Variants in SLC30A10 observed in about 807,000 individuals in gnomAD.
SLC30A10 encodes the protein solute carrier family 30 member 10, also known as calcium/manganese antiporter SLC30A10.
SLC30A10 carries 8 observed loss-of-function variants against 21.7 expected under a neutral mutation model. The ratio of observed to expected loss-of-function variants is 0.37; its 90% CI spans 0.22 to 0.67. SLC30A10 has a LOEUF of 0.67. Among genes scored for constraint, SLC30A10 ranks in the 30% least tolerant of loss-of-function variants. The pLI is 0.58. For synonymous variants in SLC30A10, 272 were observed against 279.4 expected, an observed-to-expected ratio of 0.97 and a Z score of 0.26; for missense variants, 521 against 642.5, an observed-to-expected ratio of 0.81 and a Z score of 2.04.
chr1:219,918,481 A>G lies in SLC30A10; in HGVS notation c.732T>C (p.His244=), dbSNP rs1659599774. ...EALNIRGVLL[H]VMGDALGSVV... ...CGGACCCCAGGGCATCTCCCATCAC[A>G]TGCAAAAGTACACCTGCCAGGAAGA... Residue 244 remains histidine, a synonymous_variant, in exon 3 of 4, where the codon CAT becomes CAC. Coordinates refer to ENST00000366926, the MANE Select transcript of SLC30A10 (RefSeq NM_018713.3). This position sits in a 1 kb window ranked among gnomAD's most constrained non-coding sequence, Gnocchi z 4.4. The G allele has an allele frequency of 1.2e-6, 2 of 1,601,218 alleles. No homozygotes were observed. Among genetic ancestry groups the G allele is most frequent in the Non-Finnish European group, 1.7e-6 (2 of 1,171,472 alleles).
chr1:219,928,818 G>T (rs1285995360), upstream of SLC30A10, among the ~76,000 whole-genome samples: 1 of 152,156 alleles, frequency 6.6e-6, no homozygotes, highest in Non-Finnish European at 1.5e-5. The surrounding 1 kb of genome is among the most constrained non-coding windows in gnomAD (Gnocchi z 6.3). Context: ...AATCTTCACA[G>T]ACTCCCTCCC....
chr1:219,928,631 T>G, upstream of SLC30A10: 1 of 527,714 alleles, frequency 1.9e-6, no homozygotes, highest in Non-Finnish European at 3.2e-6. The surrounding 1 kb of genome is among the most constrained non-coding windows in gnomAD (Gnocchi z 6.3). Context: ...GTCCAGAGTC[T>G]AAAGGAGTGG....
At chr1:219,948,957 C>A (rs1262617272) in intron 1 of SLC30A10, among the ~76,000 whole-genome samples, 1 of 152,060 alleles carries the variant, frequency 6.6e-6, no homozygotes, top group Non-Finnish European at 1.5e-5. Context: ...AGGACATGAA[C>A]AGACACTTCT....
At chr1:219,932,394 T>C (rs544663729), upstream of SLC30A10, among the ~76,000 whole-genome samples, 5 of 152,350 alleles carry the variant, frequency 3.3e-5, no homozygotes, top group African/African-American at 9.6e-5. Flanking sequence ...CTAAAAATTA[T>C]TTTTATACTG....
In SLC30A10 at chr1:219,914,452, T is replaced by C. The variant is rs1659485856; in HGVS notation, c.*997A>G. ...ACTAGTTGACAACTATAATAAATACTTTAAAATATGTCTAATTAAAGAGAA... is the reference window on the plus strand; with the variant it reads ...ACTAGTTGACAACTATAATAAATACCTTAAAATATGTCTAATTAAAGAGAA... On this transcript the variant is annotated 3_prime_UTR_variant, in exon 4 of 4. Coordinates refer to ENST00000366926, the MANE Select transcript of SLC30A10 (RefSeq NM_018713.3). 1 of 152,232 alleles carries C rather than the reference T, an allele frequency of 6.6e-6. No individual in the cohort carries two copies. Among genetic ancestry groups the C allele is most frequent in the Non-Finnish European group, 1.5e-5 (1 of 68,034 alleles). 9.4% of individuals were successfully genotyped at this position (152,232 alleles called of 1,614,324 possible).
At position 219,913,610 on chromosome 1, in the gene SLC30A10, G is replaced by A. The variant is rs1232961946; in HGVS notation, c.*1839C>T. ...TAAGAGGATGCACTGTTTTGTGTGAGTACATGCCACACTTTTAATACTAAA... is the reference window on the plus strand; with the variant it reads ...TAAGAGGATGCACTGTTTTGTGTGAATACATGCCACACTTTTAATACTAAA... On this transcript the variant is annotated 3_prime_UTR_variant, in exon 4 of 4. Coordinates refer to ENST00000366926, the MANE Select transcript of SLC30A10 (RefSeq NM_018713.3). The A allele has an allele frequency of 6.6e-6, 1 of 152,106 alleles. No homozygotes were observed. The highest frequency in any genetic ancestry group is 1.5e-5 in the Non-Finnish European group (1 of 68,024). 9.4% of individuals were successfully genotyped at this position (152,106 alleles called of 1,614,324 possible). A position where few individuals can be genotyped will look rare whatever the true frequency, so the allele number is the denominator to read the frequency against.
Position 219,928,181 on chromosome 1 carries a change from AC to A in SLC30A10, c.259del (p.Val87SerfsTer105). 3.2e-6 allele frequency: 5 copies of A among 1,559,368 alleles called. No individual in the cohort carries two copies. Among genetic ancestry groups the A allele is most frequent in the Non-Finnish European group, 4.3e-6 (5 of 1,151,790 alleles). On this transcript the variant is annotated frameshift_variant, in exon 1 of 4. Transcript: ENST00000366926. LOFTEE classifies it high-confidence loss of function. The surrounding 1 kb of genome is among the most constrained non-coding windows in gnomAD (Gnocchi z 6.3). Reference sequence around the variant, plus strand: ...GGTGAAGCAGAGCGCGGTGAGGAAGACCGCGTTGCTCAGCGCGCCCACCACC... The same window carrying A: ...GGTGAAGCAGAGCGCGGTGAGGAAGACGCGTTGCTCAGCGCGCCCACCACC... ...AEVVGALSNA[V>X]FLTALCFTIF...
chr1:219,953,318 C>T lies in SLC30A10; in HGVS notation n.80+5250G>A, dbSNP rs529111744. Among the ~76,000 whole-genome samples the T allele has an allele frequency of 2.6e-5, 4 of 152,094 alleles. No individual in the cohort carries two copies. The South Asian group carries it at 6.2e-4, about 24-fold the overall frequency. ...CTAGTTTGAAAAGCCACCTTCAGGCCGGGCACGGTGGCTCATGCCTGTAAT... is the reference window on the plus strand; with the variant it reads ...CTAGTTTGAAAAGCCACCTTCAGGCTGGGCACGGTGGCTCATGCCTGTAAT... On this transcript the variant is annotated intron_variant and non_coding_transcript_variant, in intron 1 of 8. Transcript: ENST00000484239.
rs1202544828 is a variant in SLC30A10, at chr1:219,912,759, A to T, written c.*2690T>A. On this transcript the variant is annotated 3_prime_UTR_variant, in exon 4 of 4. Transcript: ENST00000366926. ...TGAGGCAGGAGAATGGCGTGAACCC[A>T]GGAGGCAGAGCTTGCAGTGAGCCGA... 6.6e-6 allele frequency among the ~76,000 whole-genome samples: 1 copy of T among 152,024 alleles called. No homozygotes were observed. Among genetic ancestry groups the T allele is most frequent in the Non-Finnish European group, 1.5e-5 (1 of 67,994 alleles).
At position 219,910,738 on chromosome 1, in the gene SLC30A10, G is replaced by C. The variant is rs1282750116; in HGVS notation, c.*4711C>G. On this transcript the variant is annotated 3_prime_UTR_variant, in exon 4 of 4. Coordinates refer to ENST00000366926, the MANE Select transcript of SLC30A10 (RefSeq NM_018713.3). ...CATCCTTTCCGGATTGTTCTCATTAGAGTGCAGAGTAGGTGCAGTGTCTGG... is the reference window on the plus strand; with the variant it reads ...CATCCTTTCCGGATTGTTCTCATTACAGTGCAGAGTAGGTGCAGTGTCTGG... Among the ~76,000 whole-genome samples the C allele has an allele frequency of 6.6e-6, 1 of 152,210 alleles. No individual in the cohort carries two copies. Among genetic ancestry groups the C allele is most frequent in the African/African-American group, 2.4e-5 (1 of 41,446 alleles).
At chr1:219,934,400 T>C (rs1344331214) in intron 1 of SLC30A10, among the ~76,000 whole-genome samples, 3 of 151,828 alleles carry the variant, frequency 2.0e-5, no homozygotes, top group Non-Finnish European at 4.4e-5. Context: ...GAGGCGGAGG[T>C]TGCAGTGAGC....
chr1:219,925,165 C>A (rs1455987306), intron 2 of SLC30A10, among the ~76,000 whole-genome samples: 1 of 152,178 alleles, frequency 6.6e-6, no homozygotes, highest in Non-Finnish European at 1.5e-5. Context: ...ATCACTATAA[C>A]TATGAGGGCC....
At position 219,915,353 on chromosome 1, in the gene SLC30A10, C is replaced by T. The variant is rs1659506879; in HGVS notation, c.*96G>A. On this transcript the variant is annotated 3_prime_UTR_variant, in exon 4 of 4. Coordinates refer to ENST00000366926, the MANE Select transcript of SLC30A10 (RefSeq NM_018713.3). ...AACACAGAGCATGCATGCTGCAAGTCTAGTCTGGGCCTACAACCCAGAAAG... is the reference window on the plus strand; with the variant it reads ...AACACAGAGCATGCATGCTGCAAGTTTAGTCTGGGCCTACAACCCAGAAAG... 1.0e-5 allele frequency: 15 copies of T among 1,451,892 alleles called. No individual in the cohort carries two copies. The highest frequency in any genetic ancestry group is 4.2e-5 in the African/African-American group (3 of 70,652). The allele number at this position is 1,451,892 out of a possible 1,614,324, so 89.9% of individuals were successfully genotyped here.
chr1:219,932,636 T>A (rs1659984316), upstream of SLC30A10, among the ~76,000 whole-genome samples: 2 of 151,606 alleles, frequency 1.3e-5, no homozygotes, highest in Non-Finnish European at 2.9e-5. Context: ...CCCAAAAGTA[T>A]GCATATTGGG....
At chr1:219,927,250 T>A in intron 1 of SLC30A10, 145 bp from the exon 2 acceptor site, 1 of 767,478 alleles carries the variant, frequency 1.3e-6, no homozygotes, top group Non-Finnish European at 2.1e-6. Context: ...CTCAGAACAG[T>A]ACATTTTGGC....
rs1437561966 is a variant in SLC30A10 at position 219,911,161 on chromosome 1, T to G, written c.*4288A>C. Among the ~76,000 whole-genome samples, 3 of 144,080 alleles carry G rather than the reference T, an allele frequency of 2.1e-5. No homozygotes were observed. The highest frequency in any genetic ancestry group is 4.6e-5 in the Non-Finnish European group (3 of 65,702). 94.5% of individuals were successfully genotyped at this position (144,080 alleles called of 152,430 possible). On this transcript the variant is annotated 3_prime_UTR_variant, in exon 4 of 4. Transcript: ENST00000366926. ...TTTTTCTACATCAGTTTTTTTTTTT[T>G]TTTTTTTTTTTTTGCAGTCTTTTAC...
At chr1:219,929,665 C>A (rs1269440159), upstream of SLC30A10, among the ~76,000 whole-genome samples, 1 of 152,114 alleles carries the variant, frequency 6.6e-6, no homozygotes, top group African/African-American at 2.4e-5. Context: ...GGATTACAGG[C>A]ACCATGCCCG....
In SLC30A10 at chr1:219,912,405, C is replaced by T. The variant is rs538750096; in HGVS notation, c.*3044G>A. ...ATGAAACAGACAGTATTTCCTATGG[C>T]CAATGCTAAAATAATGTGGAAAGGA... is the stretch of plus-strand genomic sequence containing the variant. On this transcript the variant is annotated 3_prime_UTR_variant, in exon 4 of 4. Transcript: ENST00000366926. Among the ~76,000 whole-genome samples the T allele has an allele frequency of 6.6e-6, 1 of 152,078 alleles. No homozygotes were observed. The highest frequency in any genetic ancestry group is 2.1e-4 in the South Asian group (1 of 4,826).
At chr1:219,953,678 T>TA (rs1303301056) in intron 1 of SLC30A10, among the ~76,000 whole-genome samples, 39 of 64,702 alleles carry the variant, frequency 6.0e-4, no homozygotes, top group African/African-American at 1.6e-3. Context: ...TATTTTATTT[T>TA]ATTTTATTTT....
Sources: allele counts gnomAD v4.1 joint callset (sites outside exome capture counted in the v4.1 genomes callset), GRCh38; gene constraint gnomAD v4.1.1; non-coding constraint Gnocchi (gnomAD v3.1); transcripts MANE v1.5; gene names NCBI Gene and HGNC (gene_info 2026-07-23, HGNC 2026-07-21).